The following CACNA1C variants were observed in gnomAD, a reference collection of about 807,000 sequenced individuals.
CACNA1C encodes the protein calcium voltage-gated channel subunit alpha1 C, also known as voltage-dependent L-type calcium channel subunit alpha-1C.
Under a neutral mutation model 229.0 loss-of-function variants are expected in CACNA1C, and 30 were observed. The observed-to-expected ratio is 0.13, with a 90% CI of 0.10 to 0.18. The LOEUF is 0.18. Among genes scored for constraint, CACNA1C ranks in the 10% least tolerant of loss-of-function variants. The pLI is 1.00. For synonymous variants in CACNA1C, 1,114 were observed against 1,132.5 expected (o/e 0.98, Z 0.33); for missense variants, 1,658 against 2,845.0 (o/e 0.58, Z 9.49).
chr12:2,634,484 A>ATTT (rs59658684), intron 30 of CACNA1C, 104 bp downstream of exon 30: 5 of 323,442 alleles, frequency 1.5e-5, no homozygotes, highest in African/African-American at 8.8e-5. Context: ...CCACCTTCTT[A>ATTT]TTTTTTTTTT....
At chr12:2,042,475 A>G (rs1221399742) in intron 1 of CACNA1C, among the ~76,000 whole-genome samples, 1 of 152,220 alleles carries the variant, frequency 6.6e-6, no homozygotes, top group Non-Finnish European at 1.5e-5. Context: ...ACCAGAAATA[A>G]TATATTTTAC....
chr12:2,352,999 G>T (rs1397626445), intron 3 of CACNA1C, among the ~76,000 whole-genome samples: 1 of 152,220 alleles, frequency 6.6e-6, no homozygotes, highest in Non-Finnish European at 1.5e-5. Flanking sequence ...GGAAGAAAAG[G>T]GGGGATTGTT....
chr12:2,243,772 C>T (rs886187272), intron 3 of CACNA1C, among the ~76,000 whole-genome samples: 45 of 152,324 alleles, frequency 3.0e-4, no homozygotes, highest in African/African-American at 9.6e-4. Flanking sequence ...CACAAGGGCA[C>T]TGTTTATCTG....
chr12:2,313,820 C>T (rs923520755), intron 3 of CACNA1C, among the ~76,000 whole-genome samples: 5 of 152,202 alleles, frequency 3.3e-5, no homozygotes, highest in Non-Finnish European at 7.3e-5. Flanking sequence ...AGGCTTTTAT[C>T]GCTTTTTATC....
chr12:2,063,332 A>G (rs1177954646), intron 1 of CACNA1C, among the ~76,000 whole-genome samples: 1 of 152,072 alleles, frequency 6.6e-6, no homozygotes, highest in African/African-American at 2.4e-5. Context: ...TTGTATTTTT[A>G]GTAGAGATGG....
In CACNA1C at chr12:2,217,147, G is replaced by T. The variant is rs141041848; in HGVS notation, c.477+96717G>T. 4.1e-4 allele frequency among the ~76,000 whole-genome samples: 63 copies of T among 152,298 alleles called. No homozygotes were observed. In the East Asian group the frequency reaches 0.012, roughly 28 times the overall value. The stretch of plus-strand genomic sequence containing the variant: ...GAGAACATTATGCTAAATAAAATAA[G>T]CCAGACACAAAAGGAGAAATATGGT... On this transcript the variant is annotated intron_variant, in intron 3 of 46. Transcript: ENST00000399655.
Position 2,605,214 on chromosome 12 carries a change from G to A in CACNA1C, c.3048+46G>A. 1 of 1,339,422 alleles carries A rather than the reference G, an allele frequency of 7.5e-7. No homozygotes were observed. The highest frequency in any genetic ancestry group is 1.1e-6 in the Non-Finnish European group (1 of 930,710). 83.0% of individuals were successfully genotyped at this position (1,339,422 alleles called of 1,614,324 possible). A position where few individuals can be genotyped will look rare whatever the true frequency, so the allele number is the denominator to read the frequency against. ...GGGAGTCTCCAGCCAGCCCATTGGG[G>A]AGTGGGAGCTCCACAGAGGTGAGGG... On this transcript the variant is annotated intron_variant, in intron 23 of 46. Coordinates refer to ENST00000399655, the MANE Select transcript of CACNA1C (RefSeq NM_000719.7). This position sits in a 1 kb window ranked among gnomAD's most constrained non-coding sequence, Gnocchi z 6.2.
chr12:2,528,782 A>C (rs1320628705), intron 9 of CACNA1C, among the ~76,000 whole-genome samples: 1 of 152,210 alleles, frequency 6.6e-6, no homozygotes, highest in Non-Finnish European at 1.5e-5. Context: ...GGTAAGGAAA[A>C]GTGAGGCCGT....
intron 2 of CACNA1C, among the ~76,000 whole-genome samples, chr12:2,119,488 T>C (rs2085527786): frequency 6.6e-6 from 1 of 152,216 alleles, no homozygotes; most frequent in African/African-American, 2.4e-5. Flanking sequence ...CATTTTTCTC[T>C]TGAGAGCGTG....
chr12:2,283,596 C>T (rs1045672156), intron 3 of CACNA1C, among the ~76,000 whole-genome samples: 20 of 152,232 alleles, frequency 1.3e-4, no homozygotes, highest in African/African-American at 4.8e-4. Context: ...GCCCGGTACA[C>T]AGCAGGTACC....
intron 3 of CACNA1C, among the ~76,000 whole-genome samples, chr12:2,247,357 C>T (rs763331587): frequency 6.6e-6 from 1 of 152,234 alleles, no homozygotes; most frequent in Non-Finnish European, 1.5e-5. Flanking sequence ...GTCTGATGCT[C>T]TCTTGTCCTT....
intron 3 of CACNA1C, among the ~76,000 whole-genome samples, chr12:2,180,956 T>C (rs1322744760): frequency 6.6e-6 from 1 of 152,158 alleles, no homozygotes; most frequent in Non-Finnish European, 1.5e-5. Flanking sequence ...TTTGTAGCAG[T>C]TCTGATGACA....
chr12:2,596,150 G>A lies in CACNA1C; in HGVS notation c.2793+147G>A. 10 of 775,622 alleles carry A rather than the reference G, an allele frequency of 1.3e-5. 1 individual carries two copies. In the Middle Eastern group the frequency reaches 2.4e-3, roughly 186 times the overall value. 48.0% of individuals were successfully genotyped at this position (775,622 alleles called of 1,614,324 possible). The stretch of plus-strand genomic sequence containing the variant: ...AACTAACATTTCATTAAGAGAGTAG[G>A]GCTTTGATAGAAAACCACCCTAGGA... On this transcript the variant is annotated intron_variant, in intron 20 of 46. Transcript: ENST00000399655.
rs2097649269 is a variant in CACNA1C at position 2,688,611 on chromosome 12, C to T, written c.5949C>T (p.Leu1983=). 1.2e-6 allele frequency: 2 copies of T among 1,614,012 alleles called. No individual in the cohort carries two copies. The highest frequency in any genetic ancestry group is 1.7e-6 in the Non-Finnish European group (2 of 1,179,902). Residue 1983 remains leucine (L), a synonymous_variant, in exon 46 of 47, where the codon CTC becomes CTT. Transcript: ENST00000399655. The part of the protein sequence containing the change: ...RLEGVESSEK[L]NSSFPSIHCG... Reference sequence around the variant, plus strand: ...AGGGGGTCGAGTCCAGTGAGAAACTCAACAGCAGCTTCCCATCCATCCACT... The same window carrying T: ...AGGGGGTCGAGTCCAGTGAGAAACTTAACAGCAGCTTCCCATCCATCCACT...
chr12:1,992,826 A>G (rs531838666), intron 1 of CACNA1C: 11 of 345,608 alleles, frequency 3.2e-5, no homozygotes, highest in Admixed American at 8.8e-5. Context: ...CACTCCTACA[A>G]TACAGGCCCT....
chr12:2,585,549 GCCAC>G lies in CACNA1C; in HGVS notation c.2460+54_2460+57del. The stretch of plus-strand genomic sequence containing the variant: ...GTGAGGCCGGTGCTGGGGAGGGAGG[GCCAC>G]AGCCTTCCCAGGCCAGAACCCTGTG... On this transcript the variant is annotated intron_variant, in intron 17 of 46. Coordinates refer to ENST00000399655, the MANE Select transcript of CACNA1C (RefSeq NM_000719.7). This position sits in a 1 kb window ranked among gnomAD's most constrained non-coding sequence, Gnocchi z 4.1. 6.7e-7 allele frequency: 1 copy of G among 1,498,984 alleles called. No individual in the cohort carries two copies. Among genetic ancestry groups the G allele is most frequent in the East Asian group, 2.5e-5 (1 of 40,540 alleles). 92.9% of individuals were successfully genotyped at this position (1,498,984 alleles called of 1,614,324 possible). A position where few individuals can be genotyped will look rare whatever the true frequency, so the allele number is the denominator to read the frequency against.
At chr12:2,253,356 T>C (rs1356855843) in intron 3 of CACNA1C, among the ~76,000 whole-genome samples, 1 of 152,248 alleles carries the variant, frequency 6.6e-6, no homozygotes, top group Non-Finnish European at 1.5e-5. Flanking sequence ...TATATCTTAC[T>C]TCTTAATTGG....
chr12:2,242,349 G>A (rs1045654453), intron 3 of CACNA1C, among the ~76,000 whole-genome samples: 1 of 152,168 alleles, frequency 6.6e-6, no homozygotes, highest in African/African-American at 2.4e-5. Flanking sequence ...ACTAGCTACT[G>A]ACACTTGGCC....
At chr12:2,307,769 C>G (rs2095157454) in intron 3 of CACNA1C, among the ~76,000 whole-genome samples, 1 of 152,134 alleles carries the variant, frequency 6.6e-6, no homozygotes, top group Non-Finnish European at 1.5e-5. Context: ...GGTGCAAATT[C>G]CTATTGCTTA....
Sources: allele counts gnomAD v4.1 joint callset (sites outside exome capture counted in the v4.1 genomes callset), GRCh38; gene constraint gnomAD v4.1.1; non-coding constraint Gnocchi (gnomAD v3.1); transcripts MANE v1.5; gene names NCBI Gene and HGNC (gene_info 2026-07-23, HGNC 2026-07-21).